Variants in KLHL13 observed in about 807,000 individuals in gnomAD.
KLHL13 encodes kelch-like protein 13.
In KLHL13, 10 loss-of-function variants were observed where a neutral mutation model predicts 37.1. The observed-to-expected ratio is 0.27, with a 90% confidence interval of 0.17 to 0.46. The LOEUF (loss-of-function observed/expected upper bound fraction) is 0.46, where lower values mean the gene tolerates loss of function less well. KLHL13 is among the 20% of genes least tolerant of loss of function. KLHL13 has a pLI of 1.00. For synonymous variants in KLHL13, 163 were observed against 181.2 expected, an observed-to-expected ratio of 0.90 and a Z score of 0.81; for missense variants, 360 against 509.3, an observed-to-expected ratio of 0.71 and a Z score of 2.82.
chrX:118,112,969 T>C (rs1230688230), intron 1 of KLHL13, among the ~76,000 whole-genome samples: 1 of 112,466 alleles, frequency 8.9e-6, no homozygotes, highest in African/African-American at 3.2e-5. Flanking sequence ...TATTCCTTTA[T>C]ACAAAATAAA....
intron 1 of KLHL13, among the ~76,000 whole-genome samples, chrX:118,025,316 C>T (rs1406447427): frequency 1.8e-5 from 2 of 111,651 alleles, no homozygotes; most frequent in Non-Finnish European, 3.8e-5. Context: ...AAATAGAAAA[C>T]TCCAGGAATA....
intron 5 of KLHL13, among the ~76,000 whole-genome samples, chrX:117,902,829 C>A (rs891438817): frequency 3.6e-5 from 4 of 110,726 alleles, no homozygotes; most frequent in Non-Finnish European, 5.7e-5. Flanking sequence ...CAGACACTGC[C>A]AACTGCTAAT....
chrX:118,002,595 A>AAAATCAAT (rs2053936360), intron 1 of KLHL13, among the ~76,000 whole-genome samples: 2 of 94,171 alleles, frequency 2.1e-5, no homozygotes, highest in African/African-American at 8.4e-5. Flanking sequence ...CTCTGTCTCG[A>AAAATCAAT]AAATAAATAA....
chrX:117,967,805 TC>T (rs780090283), intron 1 of KLHL13, among the ~76,000 whole-genome samples: 92 of 111,808 alleles, frequency 8.2e-4, no homozygotes, highest in South Asian at 7.1e-3. Flanking sequence ...ATGCCAGGCT[TC>T]CTCAGACTAA....
chrX:118,093,881 T>C (rs1274577076), intron 1 of KLHL13, among the ~76,000 whole-genome samples: 1 of 109,727 alleles, frequency 9.1e-6, no homozygotes, highest in African/African-American at 3.3e-5. Context: ...ATTATACTTT[T>C]TCTCTCGGGG....
chrX:118,020,228 C>G (rs1340189209), intron 1 of KLHL13, among the ~76,000 whole-genome samples: 18 of 109,202 alleles, frequency 1.6e-4, no homozygotes, highest in Admixed American at 1.5e-3. Flanking sequence ...AAGTTGGATT[C>G]CTAGGTATTT....
intron 1 of KLHL13, among the ~76,000 whole-genome samples, chrX:118,110,371 C>CTTTTT (rs1479012364): frequency 1.0e-5 from 1 of 98,312 alleles, no homozygotes; most frequent in Admixed American, 1.1e-4. Flanking sequence ...TTTTCTATTT[C>CTTTTT]TTTTTCTTTT....
chrX:118,109,889 A>G (rs1370245404), intron 1 of KLHL13, among the ~76,000 whole-genome samples: 2 of 111,789 alleles, frequency 1.8e-5, no homozygotes, highest in African/African-American at 6.5e-5. Context: ...GGAAAAAAAA[A>G]CAGGCCAGGT....
chrX:118,098,458 C>T (rs1325084601), intron 1 of KLHL13, among the ~76,000 whole-genome samples: 9 of 110,914 alleles, frequency 8.1e-5, no homozygotes, highest in African/African-American at 2.6e-4. Flanking sequence ...GAAATAGGAA[C>T]ACTTTTACAC....
At chrX:117,900,575 A>G (rs1602523830) in intron 6 of KLHL13, among the ~76,000 whole-genome samples, 1 of 112,182 alleles carries the variant, frequency 8.9e-6, no homozygotes, top group African/African-American at 3.2e-5. Context: ...CTCTTCCAAT[A>G]TAAGACATTC....
In KLHL13 at chrX:118,028,507, A is replaced by G. The variant is rs888053056; in HGVS notation, c.-55-82932T>C. 6 of 871,255 alleles carry G rather than the reference A, an allele frequency of 6.9e-6. No individual in the cohort carries two copies. Among genetic ancestry groups the G allele is most frequent in the Non-Finnish European group, 9.7e-6 (6 of 619,794 alleles). The allele number at this position is 871,255 out of a possible 1,213,427, so 71.8% of individuals were successfully genotyped here. A position where few individuals can be genotyped will look rare whatever the true frequency, so the allele number is the denominator to read the frequency against. On this transcript the variant is annotated intron_variant, in intron 1 of 6. Coordinates refer to the KLHL13 transcript ENST00000371882. ...AAAGTTGGATAATGACCTGTTCAGG[A>G]GGAAAAGAAGCCAATATTTACTATG...
chrX:118,117,147 A>T (rs1857287649), upstream of KLHL13: 1 of 112,865 alleles, frequency 8.9e-6, no homozygotes, highest in African/African-American at 3.2e-5. Flanking sequence ...CAGGGACAAC[A>T]GTGCAGCCGC....
chrX:117,986,547 C>T (rs996315677), intron 1 of KLHL13, among the ~76,000 whole-genome samples: 4 of 111,766 alleles, frequency 3.6e-5, no homozygotes, highest in Non-Finnish European at 5.6e-5. Context: ...GCACTAAGAA[C>T]TCAGTACATA....
At chrX:118,093,700 G>C (rs184718392) in intron 1 of KLHL13, among the ~76,000 whole-genome samples, 72 of 111,331 alleles carry the variant, frequency 6.5e-4, no homozygotes, top group Non-Finnish European at 9.2e-4. Context: ...TAACTTATTA[G>C]TACATTCAAC....
intron 2 of KLHL13, among the ~76,000 whole-genome samples, chrX:117,936,547 A>G (rs979196378): frequency 1.2e-4 from 13 of 111,739 alleles, no homozygotes; most frequent in Non-Finnish European, 2.3e-4. Flanking sequence ...TGTTTTCTTC[A>G]ATAGTCCTGG....
chrX:117,965,180 T>G (rs1043098035), intron 1 of KLHL13, among the ~76,000 whole-genome samples: 3 of 111,744 alleles, frequency 2.7e-5, no homozygotes, highest in African/African-American at 9.8e-5. Context: ...TCCACAATGG[T>G]TGAACTAGTT....
chrX:117,998,751 G>A (rs181225143), intron 1 of KLHL13, among the ~76,000 whole-genome samples: 4 of 110,674 alleles, frequency 3.6e-5, no homozygotes, highest in Non-Finnish European at 7.6e-5. Context: ...GTCTCTGGGG[G>A]CACCATGAGA....
At chrX:117,970,800 A>G (rs2053511059) in intron 1 of KLHL13, among the ~76,000 whole-genome samples, 1 of 111,944 alleles carries the variant, frequency 8.9e-6, no homozygotes, top group Admixed American at 9.5e-5. Context: ...TTTACTTACT[A>G]TTAAGTATTA....
chrX:118,000,588 A>T (rs934392323), intron 1 of KLHL13, among the ~76,000 whole-genome samples: 2 of 111,107 alleles, frequency 1.8e-5, no homozygotes, highest in Admixed American at 1.9e-4. Context: ...AGGATACTCA[A>T]CTTTATTTTA....
Sources: allele counts gnomAD v4.1 joint callset (sites outside exome capture counted in the v4.1 genomes callset), GRCh38; gene constraint gnomAD v4.1.1; transcripts MANE v1.5; gene names NCBI Gene and HGNC (gene_info 2026-07-23, HGNC 2026-07-21).